Variants in UNC80 observed in about 807,000 individuals in gnomAD.
UNC80 encodes protein unc-80 homolog.
A neutral mutation model predicts 384.6 loss-of-function variants in UNC80; 164 were observed. The observed-to-expected ratio is 0.43, with a 90% CI of 0.38 to 0.49. UNC80 has a LOEUF of 0.49. Among genes scored for constraint, UNC80 ranks in the 20% least tolerant of loss-of-function variants. The probability of loss-of-function intolerance (pLI) is 0.00; values close to 1 mark genes in which losing one functional copy is unlikely to be tolerated. For synonymous variants in UNC80, 1,486 were observed against 1,527.8 expected (o/e 0.97, Z 0.64); for missense variants, 3,330 against 4,143.0 (o/e 0.80, Z 5.39).
At position 209,931,472 on chromosome 2, in the gene UNC80, A is replaced by G. The variant is rs552194562; in HGVS notation, c.5994+418A>G. ...TTTGTGTATATATTTTTGCATGGCA[A>G]CTGTCTATGACAGTTTTAACTGCCC... On this transcript the variant is annotated intron_variant, in intron 38 of 64. Coordinates refer to ENST00000673920, the MANE Select transcript of UNC80 (RefSeq NM_001371986.1). Among the ~76,000 whole-genome samples the G allele has an allele frequency of 1.7e-4, 25 of 150,738 alleles. No homozygotes were observed. In the East Asian group the frequency reaches 4.3e-3, roughly 26 times the overall value.
intron 7 of UNC80, chr2:209,795,972 A>G (rs1388303867): frequency 1.3e-5 from 2 of 152,272 alleles, no homozygotes; most frequent in Admixed American, 6.5e-5. Flanking sequence ...GAAGAGGGCC[A>G]CTGTCCTCCA....
At chr2:209,995,295 T>C in intron 64 of UNC80, 34 bp from the exon 65 acceptor site, 1 of 1,547,806 alleles carries the variant, frequency 6.5e-7, no homozygotes, top group Non-Finnish European at 8.7e-7. Context: ...ACCCATCCTA[T>C]CTTTCCATAA....
At chr2:209,789,179 G>A (rs571929651) in intron 5 of UNC80, among the ~76,000 whole-genome samples, 1 of 152,130 alleles carries the variant, frequency 6.6e-6, no homozygotes, top group Non-Finnish European at 1.5e-5. Context: ...TTCTCAGAAC[G>A]TATCTTTGTC....
intron 61 of UNC80, among the ~76,000 whole-genome samples, chr2:209,988,003 C>T (rs1424385435): frequency 6.6e-6 from 1 of 152,116 alleles, no homozygotes; most frequent in East Asian, 1.9e-4. Context: ...CCAGATTATT[C>T]CCCCTTTCAA....
At chr2:209,856,838 A>T (rs2082967555) in intron 22 of UNC80, among the ~76,000 whole-genome samples, 1 of 151,656 alleles carries the variant, frequency 6.6e-6, no homozygotes, top group Non-Finnish European at 1.5e-5. Flanking sequence ...CCCAGGCTGG[A>T]GTGCAGTGGC....
At position 209,777,479 on chromosome 2, in the gene UNC80, C is replaced by G. The variant is rs751913925; in HGVS notation, c.520C>G (p.Arg174Gly). 5 of 1,614,136 alleles carry G rather than the reference C, an allele frequency of 3.1e-6. No individual in the cohort carries two copies. In the South Asian group the frequency reaches 5.5e-5, roughly 18 times the overall value. The change falls in exon 4 of 65, where the codon CGA (arginine) becomes GGA (glycine). Residue 174 changes from arginine to glycine, a missense_variant. By Grantham distance (125) the Arg-to-Gly change is moderately radical. This residue lies in a region of UNC80 where 937 missense variants were observed against 1,026.8 expected (regional missense o/e 0.91). Coordinates refer to ENST00000673920, the MANE Select transcript of UNC80 (RefSeq NM_001371986.1). ...CTCTAATGACGAAGAAGAGAACAAC[C>G]GAAGAAAGATCTTCCAGAACTCCAT... is the stretch of plus-strand genomic sequence containing the variant. ...SSSNDEEENNRRKIFQNSMAT... is the reference protein window; with the variant it reads ...SSSNDEEENNGRKIFQNSMAT...
chr2:209,845,570 G>A (rs568483454), intron 21 of UNC80, among the ~76,000 whole-genome samples: 5 of 152,044 alleles, frequency 3.3e-5, no homozygotes, highest in African/African-American at 9.7e-5. Context: ...AATATTCATA[G>A]AGCCAGATTC....
At chr2:209,847,280 C>G (rs973567812) in intron 21 of UNC80, among the ~76,000 whole-genome samples, 15 of 151,766 alleles carry the variant, frequency 9.9e-5, no homozygotes, top group Admixed American at 7.9e-4. Context: ...TCTTATAGGG[C>G]TATGGCAAAA....
At chr2:209,991,652 A>T (rs1166443462) in intron 61 of UNC80, among the ~76,000 whole-genome samples, 2 of 152,242 alleles carry the variant, frequency 1.3e-5, no homozygotes, top group Non-Finnish European at 2.9e-5. Flanking sequence ...TTTACTCAGT[A>T]GTCACAGAGA....
At chr2:209,813,947 G>A (rs546674640) in intron 8 of UNC80, 106 bp downstream of exon 8, 3 of 1,378,424 alleles carry the variant, frequency 2.2e-6, no homozygotes, top group South Asian at 3.0e-5. Flanking sequence ...CTGACTTTTT[G>A]GTTGGTGGGT....
chr2:209,868,289 T>C (rs1018893342), intron 22 of UNC80, among the ~76,000 whole-genome samples: 4 of 152,222 alleles, frequency 2.6e-5, no homozygotes, highest in Admixed American at 6.5e-5. Context: ...ATATTTTATT[T>C]TGTAAGGCAA....
intron 22 of UNC80, among the ~76,000 whole-genome samples, chr2:209,864,884 C>A (rs1421369386): frequency 6.6e-6 from 1 of 152,218 alleles, no homozygotes; most frequent in Admixed American, 6.5e-5. Flanking sequence ...CTTCTCCCAC[C>A]GGGAGTTCAG....
chr2:209,905,565 A>G lies in UNC80; in HGVS notation c.4782+600A>G, dbSNP rs570957015. On this transcript the variant is annotated intron_variant, in intron 29 of 64. Transcript: ENST00000673920. Reference sequence around the variant, plus strand: ...TTCAGAAGCAACCACAGCCCCGCCAATCCGTTTTAGATTTCTGACCTCCAG... The same window carrying G: ...TTCAGAAGCAACCACAGCCCCGCCAGTCCGTTTTAGATTTCTGACCTCCAG... 4.4e-4 allele frequency among the ~76,000 whole-genome samples: 67 copies of G among 152,196 alleles called. 2 individuals carry two copies. The highest frequency in any genetic ancestry group is 8.2e-4 in the Non-Finnish European group (56 of 68,044).
chr2:209,942,882 A>G (rs1575096810), intron 44 of UNC80, among the ~76,000 whole-genome samples: 1 of 136,430 alleles, frequency 7.3e-6, no homozygotes, highest in Admixed American at 7.6e-5. Context: ...ACACACACAC[A>G]CTCCAGAATT....
intron 23 of UNC80, among the ~76,000 whole-genome samples, chr2:209,877,247 A>G (rs1331242935): frequency 6.6e-6 from 1 of 152,168 alleles, no homozygotes; most frequent in Admixed American, 6.5e-5. Context: ...CCTTTGATAA[A>G]CCAGACAATA....
intron 13 of UNC80, 134 bp downstream of exon 13, chr2:209,820,813 T>C: frequency 1.0e-6 from 1 of 969,734 alleles, no homozygotes. Context: ...TGGAGAAATC[T>C]CTTCATTAGG....
At chr2:209,838,976 T>C (rs1229538413) in intron 18 of UNC80, among the ~76,000 whole-genome samples, 1 of 152,166 alleles carries the variant, frequency 6.6e-6, no homozygotes. Flanking sequence ...TTAATGTTTT[T>C]ATTAAAGTTG....
At chr2:209,829,154 G>A (rs2080770051) in intron 14 of UNC80, 78 bp from the exon 15 acceptor site, 1 of 1,504,726 alleles carries the variant, frequency 6.6e-7, no homozygotes, top group Admixed American at 2.1e-5. Context: ...GCCTTCTGAA[G>A]GCTTCTGTCT....
intron 4 of UNC80, 32 bp downstream of exon 4, chr2:209,777,591 G>T (rs1041742256): frequency 6.4e-7 from 1 of 1,570,322 alleles, no homozygotes; most frequent in South Asian, 1.2e-5. Flanking sequence ...GAGCTGGAGT[G>T]GGTGGAGATG....
Sources: gnomAD v4.1 joint callset for allele counts (sites outside exome capture counted in the v4.1 genomes callset) on GRCh38, gnomAD v4.1.1 for gene constraint, gnomAD v4.1.1 regional missense constraint, MANE v1.5 for transcripts, NCBI Gene and HGNC (gene_info 2026-07-23, HGNC 2026-07-21) for gene names.